The following RNLS variants were observed in gnomAD, a reference collection of about 807,000 sequenced individuals.
The protein encoded by RNLS is renalase, FAD dependent amine oxidase.
RNLS carries 39 observed loss-of-function variants against 39.8 expected under a neutral mutation model. That is an observed-to-expected ratio of 0.98 (90% CI 0.76 to 1.28). The LOEUF (loss-of-function observed/expected upper bound fraction) is 1.28, where lower values mean the gene tolerates loss of function less well. RNLS is among the 50% of genes most tolerant of loss of function. The probability of loss-of-function intolerance (pLI) is 0.00; values close to 1 mark genes in which losing one functional copy is unlikely to be tolerated. For synonymous variants in RNLS, 147 were observed against 150.7 expected (o/e 0.98, Z 0.18); for missense variants, 410 against 413.3 (o/e 0.99, Z 0.07).
chr10:88,499,343 T>G (rs1219474962), intron 4 of RNLS, among the ~76,000 whole-genome samples: 1 of 152,160 alleles, frequency 6.6e-6, no homozygotes. Flanking sequence ...TAAAGCAGAA[T>G]TTCTCAGTTC....
intron 4 of RNLS, among the ~76,000 whole-genome samples, chr10:88,513,624 T>G (rs1846262217): frequency 6.6e-6 from 1 of 152,154 alleles, no homozygotes; most frequent in African/African-American, 2.4e-5. Context: ...TTAATGAATA[T>G]TATTAACTAT....
intron 4 of RNLS, among the ~76,000 whole-genome samples, chr10:88,554,831 C>T (rs1318194947): frequency 6.6e-6 from 1 of 152,070 alleles, no homozygotes; most frequent in Non-Finnish European, 1.5e-5. Context: ...TTTCCATCAG[C>T]ACCTAAACAT....
intron 5 of RNLS, among the ~76,000 whole-genome samples, chr10:88,333,002 A>T (rs1344349314): frequency 6.6e-6 from 1 of 152,192 alleles, no homozygotes; most frequent in Non-Finnish European, 1.5e-5. Flanking sequence ...ATTGAGCTTC[A>T]GATCTTGAGT....
chr10:88,421,162 C>A (rs1245827459), intron 4 of RNLS, among the ~76,000 whole-genome samples: 1 of 152,198 alleles, frequency 6.6e-6, no homozygotes, highest in Non-Finnish European at 1.5e-5. Flanking sequence ...CTTAACTCCC[C>A]CTTTCTGCCA....
At chr10:88,180,539 T>C in the RNLS span, among the ~76,000 whole-genome samples, 1 of 152,238 alleles carries the variant, frequency 6.6e-6, no homozygotes, top group East Asian at 1.9e-4. Context: ...GATTAGCTAC[T>C]GCACTCTACT....
At chr10:88,581,829 C>T in intron 2 of RNLS, 120 bp from the exon 3 acceptor site, 3 of 607,032 alleles carry the variant, frequency 4.9e-6, no homozygotes, top group East Asian at 3.3e-5. Flanking sequence ...AGATATCTTC[C>T]TATGAATATT....
intron 4 of RNLS, among the ~76,000 whole-genome samples, chr10:88,445,805 T>C (rs942293843): frequency 2.0e-5 from 3 of 152,126 alleles, no homozygotes; most frequent in Admixed American, 6.5e-5. Context: ...AGCACCCAAA[T>C]TCATAAAGCA....
chr10:88,575,161 C>T (rs7906052), intron 3 of RNLS, among the ~76,000 whole-genome samples: 530 of 31,086 alleles, frequency 0.017, 1 homozygote, highest in Middle Eastern at 0.04. Flanking sequence ...TATATATATA[C>T]ACACACACAC....
chr10:88,406,692 T>C (rs2133675604), intron 4 of RNLS, among the ~76,000 whole-genome samples: 1 of 152,140 alleles, frequency 6.6e-6, no homozygotes, highest in African/African-American at 2.4e-5. Flanking sequence ...GATCCAGCAA[T>C]CCCACTACTG....
intron 4 of RNLS, among the ~76,000 whole-genome samples, chr10:88,463,500 C>G (rs113348579): frequency 2.0e-5 from 3 of 152,108 alleles, no homozygotes; most frequent in African/African-American, 7.2e-5. Context: ...GCCACCCAGT[C>G]TGTGGTACTT....
intron 6 of RNLS, among the ~76,000 whole-genome samples, chr10:88,303,459 C>T (rs1844681320): frequency 6.6e-6 from 1 of 152,212 alleles, no homozygotes; most frequent in Non-Finnish European, 1.5e-5. Context: ...CGGCCCTACA[C>T]TATAGCTTCT....
chr10:88,306,619 A>G (rs924567017), intron 6 of RNLS, among the ~76,000 whole-genome samples: 2 of 152,204 alleles, frequency 1.3e-5, no homozygotes, highest in Admixed American at 1.3e-4. Context: ...CCCTCCCAAG[A>G]CTAAACCAGG....
chr10:88,429,519 C>T (rs1855012784), intron 4 of RNLS, among the ~76,000 whole-genome samples: 1 of 151,762 alleles, frequency 6.6e-6, no homozygotes, highest in Non-Finnish European at 1.5e-5. Context: ...ATTTCCTGAC[C>T]CCAAATCCAA....
At chr10:88,307,129 T>A (rs1163249545) in intron 6 of RNLS, among the ~76,000 whole-genome samples, 2 of 152,212 alleles carry the variant, frequency 1.3e-5, no homozygotes, top group Admixed American at 1.3e-4. Context: ...TACCCTTTCA[T>A]GTGAAAAACT....
At chr10:88,280,425 C>A (rs1012171659), downstream of RNLS, among the ~76,000 whole-genome samples, 2 of 152,076 alleles carry the variant, frequency 1.3e-5, no homozygotes, top group Non-Finnish European at 2.9e-5. Flanking sequence ...ATGGACCAGA[C>A]GTGTGGATCA....
intron 4 of RNLS, among the ~76,000 whole-genome samples, chr10:88,403,964 C>T (rs940265255): frequency 6.6e-6 from 1 of 151,888 alleles, no homozygotes; most frequent in African/African-American, 2.4e-5. Flanking sequence ...AAATCACTTA[C>T]GCCAAGGAGT....
intron 6 of RNLS, among the ~76,000 whole-genome samples, chr10:88,304,890 G>T (rs1844810510): frequency 6.6e-6 from 1 of 152,108 alleles, no homozygotes; most frequent in South Asian, 2.1e-4. Context: ...ATACATAATT[G>T]TGAGATTCTC....
intron 4 of RNLS, among the ~76,000 whole-genome samples, chr10:88,435,014 C>T (rs1307273850): frequency 3.3e-5 from 5 of 151,222 alleles, no homozygotes; most frequent in Non-Finnish European, 1.5e-5. Context: ...GGAAACTGTG[C>T]CCCCAAATAC....
the RNLS span, among the ~76,000 whole-genome samples, chr10:88,201,198 A>C: frequency 6.6e-6 from 1 of 152,190 alleles, no homozygotes; most frequent in African/African-American, 2.4e-5. Flanking sequence ...GGTAGATTTA[A>C]TTATGTTCGA....
Sources: gnomAD v4.1 joint callset for allele counts (sites outside exome capture counted in the v4.1 genomes callset) on GRCh38, gnomAD v4.1.1 for gene constraint, MANE v1.5 for transcripts, NCBI Gene and HGNC (gene_info 2026-07-23, HGNC 2026-07-21) for gene names.